NTM: variants seen among roughly 807,000 people sequenced by gnomAD.
The protein encoded by NTM is neurotrimin.
NTM carries 13 observed loss-of-function variants against 42.1 expected under a neutral mutation model. The ratio of observed to expected loss-of-function variants is 0.31; its 90% CI spans 0.20 to 0.49. The LOEUF (loss-of-function observed/expected upper bound fraction) is 0.49, where lower values mean the gene tolerates loss of function less well. NTM is among the 20% of genes least tolerant of loss of function. NTM has a pLI of 0.99. For synonymous variants in NTM, 187 were observed against 179.2 expected (o/e 1.04, Z -0.35); for missense variants, 373 against 452.8 (o/e 0.82, Z 1.60).
intron 2 of NTM, among the ~76,000 whole-genome samples, chr11:131,968,167 C>T (rs980664748): frequency 2.6e-5 from 4 of 152,156 alleles, no homozygotes; most frequent in African/African-American, 7.2e-5. Flanking sequence ...TAAGGATCTC[C>T]TCCCCTACAT....
At chr11:131,654,230 G>A (rs2066880762) in intron 1 of NTM, among the ~76,000 whole-genome samples, 1 of 152,198 alleles carries the variant, frequency 6.6e-6, no homozygotes, top group Non-Finnish European at 1.5e-5. Context: ...TTTTCTTTCA[G>A]TGGTTGAAGC....
At chr11:131,532,247 C>T (rs1461305372) in intron 1 of NTM, among the ~76,000 whole-genome samples, 2 of 152,220 alleles carry the variant, frequency 1.3e-5, no homozygotes, top group South Asian at 2.1e-4. Flanking sequence ...CCACCCCACT[C>T]CTCCAGCTCC....
chr11:131,589,591 T>C (rs1054689195), intron 1 of NTM, among the ~76,000 whole-genome samples: 2 of 152,298 alleles, frequency 1.3e-5, no homozygotes, highest in Non-Finnish European at 2.9e-5. Context: ...CCCCAAATCA[T>C]TATTTGTTTT....
At chr11:131,596,929 T>C (rs898618990) in intron 1 of NTM, among the ~76,000 whole-genome samples, 3 of 152,178 alleles carry the variant, frequency 2.0e-5, no homozygotes, top group African/African-American at 7.2e-5. Flanking sequence ...ACTGAAGAAC[T>C]TGGGTCTGAT....
intron 1 of NTM, among the ~76,000 whole-genome samples, chr11:131,854,095 A>G (rs1267594599): frequency 6.6e-6 from 1 of 152,210 alleles, no homozygotes; most frequent in Admixed American, 6.5e-5. Flanking sequence ...CTACCCTCAC[A>G]AAGAAAGCAT....
At chr11:131,934,257 C>T (rs1434545702) in intron 2 of NTM, among the ~76,000 whole-genome samples, 5 of 152,040 alleles carry the variant, frequency 3.3e-5, no homozygotes, top group East Asian at 1.9e-4. Flanking sequence ...CCATTGAGAA[C>T]GTTATTCCCT....
At chr11:131,512,426 C>T (rs1382693529) in intron 1 of NTM, among the ~76,000 whole-genome samples, 3 of 152,176 alleles carry the variant, frequency 2.0e-5, no homozygotes, top group Non-Finnish European at 4.4e-5. Context: ...GTCCTCAAAC[C>T]AGAGCCTGGA....
intron 3 of NTM, chr11:132,211,609 G>T (rs1167197782): frequency 6.1e-6 from 1 of 162,844 alleles, no homozygotes; most frequent in East Asian, 1.9e-4. Flanking sequence ...ATGACCAGGT[G>T]GCCATGGGGA....
At chr11:132,147,632 T>C (rs2070827181) in intron 3 of NTM, among the ~76,000 whole-genome samples, 2 of 152,128 alleles carry the variant, frequency 1.3e-5, no homozygotes. Flanking sequence ...TCTTATTTTG[T>C]GATGTCAGCA....
At chr11:131,939,037 A>G (rs950701206) in intron 2 of NTM, among the ~76,000 whole-genome samples, 2 of 152,206 alleles carry the variant, frequency 1.3e-5, no homozygotes, top group Admixed American at 6.5e-5. Context: ...GAAAGAGATG[A>G]GACTTGGGGA....
At chr11:131,812,182 G>A (rs1272719822) in intron 1 of NTM, among the ~76,000 whole-genome samples, 5 of 95,620 alleles carry the variant, frequency 5.2e-5, no homozygotes, top group Admixed American at 4.3e-4. Context: ...TAATTAGTCA[G>A]CCTCTCTCTC....
At chr11:132,152,112 A>T (rs186275582) in intron 3 of NTM, among the ~76,000 whole-genome samples, 1 of 152,224 alleles carries the variant, frequency 6.6e-6, no homozygotes. Flanking sequence ...CCCACTCTGA[A>T]TCTGAACTGA....
intron 1 of NTM, among the ~76,000 whole-genome samples, chr11:131,855,867 A>G (rs763226826): frequency 6.6e-6 from 1 of 152,158 alleles, no homozygotes; most frequent in Non-Finnish European, 1.5e-5. Flanking sequence ...TGCTGGATCA[A>G]TCCTCCATCC....
At chr11:132,328,001 T>C (rs1472160514) in intron 7 of NTM, among the ~76,000 whole-genome samples, 2 of 152,152 alleles carry the variant, frequency 1.3e-5, no homozygotes, top group South Asian at 2.1e-4. Flanking sequence ...ATTGTTTATG[T>C]TCCTGATAGT....
chr11:131,534,467 C>T (rs1312522752), intron 1 of NTM: 2 of 152,230 alleles, frequency 1.3e-5, no homozygotes, highest in African/African-American at 4.8e-5. Context: ...TGGTCCCCTC[C>T]TCTTTAAGAT....
intron 1 of NTM, among the ~76,000 whole-genome samples, chr11:131,532,802 T>A (rs1565608430): frequency 6.6e-6 from 1 of 152,250 alleles, no homozygotes; most frequent in Non-Finnish European, 1.5e-5. Context: ...TGGTTTTGAT[T>A]TGCATTTCTC....
chr11:131,606,575 G>A (rs7121071), intron 1 of NTM, among the ~76,000 whole-genome samples: 72,014 of 151,972 alleles, frequency 0.47, 17,750 homozygotes, highest in East Asian at 0.61. Flanking sequence ...AAACTTTTAC[G>A]ATGGAGGATT....
At chr11:131,691,672 G>A (rs2074757641) in intron 1 of NTM, among the ~76,000 whole-genome samples, 3 of 152,158 alleles carry the variant, frequency 2.0e-5, no homozygotes, top group African/African-American at 7.2e-5. Flanking sequence ...ACCCCAGGGC[G>A]CAGCCACCCC....
At chr11:131,436,357 G>A (rs947212191) in intron 1 of NTM, among the ~76,000 whole-genome samples, 2 of 152,166 alleles carry the variant, frequency 1.3e-5, no homozygotes, top group Admixed American at 6.5e-5. Flanking sequence ...CAGAAGGAAT[G>A]GTACCAGCTC....
Sources: allele counts gnomAD v4.1 joint callset (sites outside exome capture counted in the v4.1 genomes callset), GRCh38; gene constraint gnomAD v4.1.1; transcripts MANE v1.5; gene names NCBI Gene and HGNC (gene_info 2026-07-23, HGNC 2026-07-21).